DLG2: variants seen among roughly 807,000 people sequenced by gnomAD.
DLG2 encodes the protein disks large homolog 2.
DLG2 carries 45 observed loss-of-function variants against 132.5 expected under a neutral mutation model. The observed-to-expected ratio is 0.34, with a 90% CI of 0.27 to 0.44. DLG2 has a LOEUF of 0.44. DLG2 is among the 20% of genes least tolerant of loss of function. The probability of loss-of-function intolerance (pLI) is 1.00; values close to 1 mark genes in which losing one functional copy is unlikely to be tolerated. For missense variants in DLG2, 1,045 were observed against 1,196.9 expected (o/e 0.87, Z 1.87); for synonymous variants, 424 against 419.6 (o/e 1.01, Z -0.13).
chr11:84,534,946 A>C (rs184433181), intron 6 of DLG2: 1 of 674,130 alleles, frequency 1.5e-6, no homozygotes, highest in East Asian at 2.6e-5. Context: ...ACCAATGTCC[A>C]GACTTGTTTC....
intron 6 of DLG2, among the ~76,000 whole-genome samples, chr11:85,022,721 T>C (rs879572242): frequency 3.3e-5 from 5 of 152,142 alleles, no homozygotes; most frequent in Non-Finnish European, 7.4e-5. Flanking sequence ...ATTATTAATA[T>C]TCACTACCTT....
At chr11:84,918,446 C>A (rs1050266158) in intron 6 of DLG2, among the ~76,000 whole-genome samples, 1 of 151,970 alleles carries the variant, frequency 6.6e-6, no homozygotes, top group African/African-American at 2.4e-5. Flanking sequence ...AAAGGAAGGA[C>A]AGAATTTAGA....
At chr11:83,943,811 G>A (rs1423597403) in intron 14 of DLG2, among the ~76,000 whole-genome samples, 1 of 152,182 alleles carries the variant, frequency 6.6e-6, no homozygotes, top group African/African-American at 2.4e-5. Context: ...AAGAGCGCAA[G>A]CTTTTGGGCT....
At chr11:84,155,803 T>G (rs2095416788) in intron 9 of DLG2, among the ~76,000 whole-genome samples, 1 of 151,966 alleles carries the variant, frequency 6.6e-6, no homozygotes, top group Admixed American at 6.6e-5. Flanking sequence ...AAGGGAGAAA[T>G]GAGGCTGGCA....
At chr11:84,693,007 A>C (rs2058216995) in intron 6 of DLG2, among the ~76,000 whole-genome samples, 1 of 151,654 alleles carries the variant, frequency 6.6e-6, no homozygotes, top group Non-Finnish European at 1.5e-5. Flanking sequence ...AATTAACCCA[A>C]ACTGTTTGAC....
chr11:84,581,666 T>C (rs2099516570), intron 6 of DLG2, among the ~76,000 whole-genome samples: 1 of 152,062 alleles, frequency 6.6e-6, no homozygotes, highest in Non-Finnish European at 1.5e-5. Context: ...TCCAGCACTT[T>C]GGGAGGCCGA....
At chr11:84,697,933 T>C (rs1283901711) in intron 6 of DLG2, among the ~76,000 whole-genome samples, 1 of 151,498 alleles carries the variant, frequency 6.6e-6, no homozygotes, top group Non-Finnish European at 1.5e-5. Context: ...TGTTTAGTCA[T>C]GACACCTTTT....
intron 3 of DLG2, among the ~76,000 whole-genome samples, chr11:85,408,343 G>T (rs1005535927): frequency 1.3e-5 from 2 of 150,724 alleles, no homozygotes; most frequent in Non-Finnish European, 3.0e-5. Flanking sequence ...ATTTGGGTGG[G>T]CAGAATTGGT....
intron 9 of DLG2, among the ~76,000 whole-genome samples, chr11:84,149,790 A>G (rs942438161): frequency 6.6e-6 from 1 of 152,012 alleles, no homozygotes; most frequent in Non-Finnish European, 1.5e-5. Context: ...CACCCAATGC[A>G]ATGACATTGC....
chr11:85,559,214 T>C (rs969196064), intron 3 of DLG2, among the ~76,000 whole-genome samples: 1 of 150,708 alleles, frequency 6.6e-6, no homozygotes, highest in Non-Finnish European at 1.5e-5. Context: ...TGCAATGGCA[T>C]GATCTCGGTT....
intron 11 of DLG2, among the ~76,000 whole-genome samples, chr11:83,994,142 C>G (rs139598097): frequency 8.1e-4 from 123 of 152,192 alleles, no homozygotes; most frequent in African/African-American, 2.8e-3. Context: ...ACATCATTTT[C>G]TACATAGAAT....
intron 7 of DLG2, among the ~76,000 whole-genome samples, chr11:84,403,103 G>T (rs1329744454): frequency 6.6e-6 from 1 of 151,646 alleles, no homozygotes; most frequent in African/African-American, 2.4e-5. Context: ...ATTTCCAGAA[G>T]ATATCCTCTA....
intron 7 of DLG2, among the ~76,000 whole-genome samples, chr11:84,434,913 C>A (rs1482853415): frequency 2.4e-5 from 3 of 125,088 alleles, no homozygotes; most frequent in Non-Finnish European, 4.9e-5. Flanking sequence ...AAACTGTCAC[C>A]TACTGAAAAA....
At chr11:84,566,897 T>C (rs1410287062) in intron 6 of DLG2, among the ~76,000 whole-genome samples, 1 of 152,194 alleles carries the variant, frequency 6.6e-6, no homozygotes, top group Admixed American at 6.5e-5. Context: ...CCTTAAGTGA[T>C]TGGCTTCCTG....
intron 3 of DLG2, among the ~76,000 whole-genome samples, chr11:85,539,738 T>C (rs971714579): frequency 1.3e-5 from 2 of 152,142 alleles, no homozygotes; most frequent in Non-Finnish European, 2.9e-5. Context: ...CCCACAAAAA[T>C]GTTAAATTAA....
chr11:83,543,926 T>C lies in DLG2; in HGVS notation c.1941-2068A>G, dbSNP rs544393522. Among the ~76,000 whole-genome samples the C allele has an allele frequency of 3.7e-4, 57 of 152,256 alleles. No individual in the cohort carries two copies. The South Asian group carries it at 0.01, about 27-fold the overall frequency. ...CCACCATTTTCTCATAAGAATGGCT[T>C]ACTGTGCCTAAACTGTTTGTACAAA... On this transcript the variant is annotated intron_variant, in intron 19 of 27. Coordinates refer to ENST00000376104, the MANE Select transcript of DLG2 (RefSeq NM_001142699.3).
chr11:85,536,945 T>C (rs2075628142), intron 3 of DLG2, among the ~76,000 whole-genome samples: 1 of 152,190 alleles, frequency 6.6e-6, no homozygotes, highest in African/African-American at 2.4e-5. Context: ...CTGATTGGGC[T>C]TCTGGGACAG....
chr11:84,565,700 T>C (rs1940074), intron 6 of DLG2, among the ~76,000 whole-genome samples: 51,976 of 151,894 alleles, frequency 0.34, 9,472 homozygotes, highest in South Asian at 0.49. Flanking sequence ...GATAACAAAA[T>C]TGGTGCTTAT....
chr11:85,374,917 G>A (rs978828135), intron 3 of DLG2, among the ~76,000 whole-genome samples: 1 of 151,932 alleles, frequency 6.6e-6, no homozygotes, highest in Non-Finnish European at 1.5e-5. Context: ...AAAACCTTTA[G>A]GGCTGAAATG....
Sources: allele counts gnomAD v4.1 joint callset (sites outside exome capture counted in the v4.1 genomes callset), GRCh38; gene constraint gnomAD v4.1.1; transcripts MANE v1.5; gene names NCBI Gene and HGNC (gene_info 2026-07-23, HGNC 2026-07-21).